Variants in CDH4 observed in about 807,000 individuals in gnomAD.
CDH4 encodes the protein cadherin-4.
Under a neutral mutation model 86.0 loss-of-function variants are expected in CDH4, and 33 were observed. The observed-to-expected ratio is 0.38, with a 90% CI of 0.29 to 0.51. The LOEUF (loss-of-function observed/expected upper bound fraction) is 0.51, where lower values mean the gene tolerates loss of function less well. Among genes scored for constraint, CDH4 ranks in the 20% least tolerant of loss-of-function variants. CDH4 has a pLI of 0.86. For missense variants in CDH4, 1,114 were observed against 1,307.4 expected (o/e 0.85, Z 2.28); for synonymous variants, 555 against 549.4 (o/e 1.01, Z -0.14).
chr20:61,754,140 T>C lies in CDH4; in HGVS notation c.396+10351T>C, dbSNP rs1195874543. 6.6e-6 allele frequency among the ~76,000 whole-genome samples: 1 copy of C among 152,158 alleles called. No homozygotes were observed. The highest frequency in any genetic ancestry group is 1.5e-5 in the Non-Finnish European group (1 of 68,008). ...GAGAGACGCCCAGAGCAGATTCTCC[T>C]GCACAGCCTCCCAGGGACCAGTGCT... is the stretch of plus-strand genomic sequence containing the variant. On this transcript the variant is annotated intron_variant, in intron 3 of 15. Transcript: ENST00000614565. This position sits in a 1 kb window ranked among gnomAD's most constrained non-coding sequence, Gnocchi z 4.7.
rs546018899 is a variant in CDH4 at position 61,883,614 on chromosome 20, C to T, written c.1050+9714C>T. On this transcript the variant is annotated intron_variant, in intron 7 of 15. Coordinates refer to ENST00000614565, the MANE Select transcript of CDH4 (RefSeq NM_001794.5). ...ACTGGAACTTATGGCTCAGAAACCC[C>T]AGGCCACTGGAGAGCTCAGGCACGT... Among the ~76,000 whole-genome samples the T allele has an allele frequency of 1.8e-4, 27 of 152,236 alleles. 1 individual carries two copies. Among genetic ancestry groups the T allele is most frequent in the South Asian group, 8.3e-4 (4 of 4,832 alleles).
At chr20:61,606,334 A>G (rs1001678683) in intron 2 of CDH4, among the ~76,000 whole-genome samples, 1 of 152,186 alleles carries the variant, frequency 6.6e-6, no homozygotes, top group Non-Finnish European at 1.5e-5. Context: ...AGCTGCTGTG[A>G]TCACCCATCC....
chr20:61,402,283 G>T (rs150879536), intron 2 of CDH4, among the ~76,000 whole-genome samples: 1 of 152,088 alleles, frequency 6.6e-6, no homozygotes, highest in Non-Finnish European at 1.5e-5. Context: ...TCACCTCTAG[G>T]TTACTTATAA....
intron 2 of CDH4, among the ~76,000 whole-genome samples, chr20:61,614,383 C>T (rs574582125): frequency 4.6e-5 from 7 of 152,240 alleles, no homozygotes; most frequent in East Asian, 1.9e-4. Flanking sequence ...GAAGCTCCTG[C>T]GCCTCCCACA....
At chr20:61,794,507 G>A (rs750463351) in intron 4 of CDH4, among the ~76,000 whole-genome samples, 4 of 152,222 alleles carry the variant, frequency 2.6e-5, no homozygotes, top group Non-Finnish European at 4.4e-5. Context: ...AGCCTGTCAA[G>A]TGGGTAGCAA....
At chr20:61,350,020 T>G (rs550465239) in intron 2 of CDH4, among the ~76,000 whole-genome samples, 2 of 151,146 alleles carry the variant, frequency 1.3e-5, no homozygotes, top group Admixed American at 1.3e-4. Context: ...ACTGGACACA[T>G]GTGGGCGAGG....
In CDH4 at chr20:61,501,271, C is replaced by G. The variant is rs1241636256; in HGVS notation, c.170-242292C>G. Among the ~76,000 whole-genome samples, 1 of 152,178 alleles carries G rather than the reference C, an allele frequency of 6.6e-6. No individual in the cohort carries two copies. Among genetic ancestry groups the G allele is most frequent in the Non-Finnish European group, 1.5e-5 (1 of 68,034 alleles). On this transcript the variant is annotated intron_variant, in intron 2 of 15. Transcript: ENST00000614565. The surrounding 1 kb of genome is among the most constrained non-coding windows in gnomAD (Gnocchi z 4.2). ...TTTAAATGGCAATCATTCCTTGAAG[C>G]CTGCAGCCTGCGATAATACAGCTAA...
intron 2 of CDH4, among the ~76,000 whole-genome samples, chr20:61,288,035 C>T (rs535429883): frequency 6.6e-6 from 1 of 152,306 alleles, no homozygotes; most frequent in African/African-American, 2.4e-5. Flanking sequence ...CGACAGCCAA[C>T]AGGATTTGGT....
rs577424678 is a variant in CDH4 at position 61,805,289 on chromosome 20, G to A, written c.576+32107G>A. On this transcript the variant is annotated intron_variant, in intron 4 of 15. Transcript: ENST00000614565. The stretch of plus-strand genomic sequence containing the variant: ...AAGGATCCCTGGGGTGCTGTCCCCA[G>A]AAGAGGGGAGAGTGGACAGTGGACA... Among the ~76,000 whole-genome samples the A allele has an allele frequency of 2.0e-5, 3 of 152,340 alleles. No homozygotes were observed. The East Asian group carries it at 5.8e-4, about 29-fold the overall frequency.
chr20:61,455,338 C>G (rs2085401457), intron 2 of CDH4, among the ~76,000 whole-genome samples: 1 of 152,178 alleles, frequency 6.6e-6, no homozygotes, highest in Non-Finnish European at 1.5e-5. Context: ...CAACTGCAAA[C>G]ACCCACAGCC....
At position 61,560,123 on chromosome 20, in the gene CDH4, G is replaced by A. The variant is rs184394784; in HGVS notation, c.170-183440G>A. Among the ~76,000 whole-genome samples, 61 of 152,264 alleles carry A rather than the reference G, an allele frequency of 4.0e-4. 1 individual carries two copies. Among genetic ancestry groups the A allele is most frequent in the Admixed American group, 2.9e-3 (44 of 15,296 alleles). ...TGTTTGCTCTGCTTATCTGGTCGGCGGAGACAAAGGAAGACCCCCTGTGGC... is the reference window on the plus strand; with the variant it reads ...TGTTTGCTCTGCTTATCTGGTCGGCAGAGACAAAGGAAGACCCCCTGTGGC... On this transcript the variant is annotated intron_variant, in intron 2 of 15. Coordinates refer to ENST00000614565, the MANE Select transcript of CDH4 (RefSeq NM_001794.5).
chr20:61,668,283 C>T (rs1349668779), intron 2 of CDH4, among the ~76,000 whole-genome samples: 1 of 152,154 alleles, frequency 6.6e-6, no homozygotes, highest in African/African-American at 2.4e-5. Context: ...GGATGTTTAT[C>T]CCTCTATTGA....
intron 2 of CDH4, among the ~76,000 whole-genome samples, chr20:61,611,646 C>T (rs938535885): frequency 2.0e-5 from 3 of 152,136 alleles, no homozygotes; most frequent in African/African-American, 7.3e-5. Context: ...TTTCTGCCAA[C>T]CCACTAGCAT....
At chr20:61,601,503 G>C (rs758026231) in intron 2 of CDH4, among the ~76,000 whole-genome samples, 3 of 152,166 alleles carry the variant, frequency 2.0e-5, no homozygotes, top group African/African-American at 7.2e-5. Flanking sequence ...CCAACACTGC[G>C]GTGCTCCTCG....
chr20:61,722,885 C>T (rs938099766), intron 2 of CDH4, among the ~76,000 whole-genome samples: 1 of 152,132 alleles, frequency 6.6e-6, no homozygotes, highest in Non-Finnish European at 1.5e-5. Context: ...AGAGAGAAGA[C>T]GTTCCTGGGA....
intron 8 of CDH4, among the ~76,000 whole-genome samples, chr20:61,900,113 G>C (rs564569048): frequency 1.6e-4 from 24 of 152,328 alleles, no homozygotes; most frequent in African/African-American, 4.3e-4. Flanking sequence ...GCCTCAGCGG[G>C]GGGGACTGGC....
chr20:61,345,496 C>G (rs188132821), intron 2 of CDH4, among the ~76,000 whole-genome samples: 1 of 152,176 alleles, frequency 6.6e-6, no homozygotes, highest in African/African-American at 2.4e-5. Context: ...AAAAGAAGTC[C>G]GTGAGGACAA....
At chr20:61,856,664 G>T (rs1983026742) in intron 6 of CDH4, among the ~76,000 whole-genome samples, 1 of 151,524 alleles carries the variant, frequency 6.6e-6, no homozygotes, top group Non-Finnish European at 1.5e-5. Context: ...AGGGTCCTGT[G>T]TGCACCCCAC....
At chr20:61,929,510 G>T in intron 12 of CDH4, 99 bp from the exon 13 acceptor site, 1 of 849,474 alleles carries the variant, frequency 1.2e-6, no homozygotes, top group Non-Finnish European at 1.9e-6. Context: ...AGCCATTTCA[G>T]ATTTCCATGC....
Sources: gnomAD v4.1 joint callset for allele counts (sites outside exome capture counted in the v4.1 genomes callset) on GRCh38, gnomAD v4.1.1 for gene constraint, Gnocchi (gnomAD v3.1) non-coding constraint, MANE v1.5 for transcripts, NCBI Gene and HGNC (gene_info 2026-07-23, HGNC 2026-07-21) for gene names.